Variants in WDR72 observed in about 807,000 individuals in gnomAD.
The protein encoded by WDR72 is WD repeat-containing protein 72.
A neutral mutation model predicts 124.2 loss-of-function variants in WDR72; 120 were observed. That is an observed-to-expected ratio of 0.97 (90% confidence interval 0.83 to 1.12). The LOEUF (loss-of-function observed/expected upper bound fraction) is 1.12, where lower values mean the gene tolerates loss of function less well. WDR72 is among the 50% of genes most tolerant of loss of function. WDR72 has a pLI of 0.00. For missense variants in WDR72, 1,387 were observed against 1,278.8 expected (o/e 1.08, Z -1.29); for synonymous variants, 452 against 441.7 (o/e 1.02, Z -0.29).
At chr15:53,545,305 C>T (rs1046695260) in intron 18 of WDR72, among the ~76,000 whole-genome samples, 6 of 151,194 alleles carry the variant, frequency 4.0e-5, no homozygotes, top group Non-Finnish European at 8.9e-5. Context: ...GTACTGGTAC[C>T]GAAACAGAGA....
In WDR72 at chr15:53,516,539, A is replaced by G. The variant is rs1020708954; in HGVS notation, c.*1160T>C. 6.6e-6 allele frequency: 1 copy of G among 151,800 alleles called. No individual in the cohort carries two copies. Among genetic ancestry groups the G allele is most frequent in the Non-Finnish European group, 1.5e-5 (1 of 67,896 alleles). The allele number at this position is 151,800 out of a possible 1,614,324, so 9.4% of individuals were successfully genotyped here. ...TGCTTTATATCCCTTTTTCAATTAT[A>G]TAGTTCTCTTTTCTAATTTCCCCCT... On this transcript the variant is annotated 3_prime_UTR_variant, in exon 20 of 20. Transcript: ENST00000360509.
chr15:53,592,042 ACACCACAGTCAGTCATTAT>A (rs2012533937), intron 18 of WDR72, among the ~76,000 whole-genome samples: 2 of 152,012 alleles, frequency 1.3e-5, no homozygotes, highest in African/African-American at 4.8e-5. Flanking sequence ...CCAAGTCATG[ACACCACAGTCAGTCATTAT>A]CACTGTGCTT....
At chr15:53,574,053 G>T (rs1894665584) in intron 18 of WDR72, among the ~76,000 whole-genome samples, 1 of 152,068 alleles carries the variant, frequency 6.6e-6, no homozygotes, top group African/African-American at 2.4e-5. Flanking sequence ...TAAAAGATTT[G>T]TCCATTTCTG....
At chr15:53,638,308 T>A (rs2014701906) in intron 14 of WDR72, among the ~76,000 whole-genome samples, 1 of 152,204 alleles carries the variant, frequency 6.6e-6, no homozygotes. Context: ...GATATTCCAG[T>A]GCCTTAGCAA....
chr15:53,746,106 A>T (rs1434278381), intron 1 of WDR72, among the ~76,000 whole-genome samples: 1 of 152,200 alleles, frequency 6.6e-6, no homozygotes, highest in African/African-American at 2.4e-5. Context: ...ACACTTCCTG[A>T]TCCTCTCTCC....
rs146936081 is a variant in WDR72, at chr15:53,557,950, G to A, written c.3149-34628C>T. On this transcript the variant is annotated intron_variant, in intron 18 of 19. Transcript: ENST00000360509. ...CAATGTATTTGGCATGTCCGTAGAA[G>A]TGTACATTGGTATGGTTATTGTAGT... Among the ~76,000 whole-genome samples the A allele has an allele frequency of 9.9e-4, 151 of 152,108 alleles. 2 individuals carry two copies. Among genetic ancestry groups the A allele is most frequent in the African/African-American group, 3.5e-3 (145 of 41,508 alleles).
intron 18 of WDR72, among the ~76,000 whole-genome samples, chr15:53,554,401 T>C (rs1349711077): frequency 6.6e-6 from 1 of 152,140 alleles, no homozygotes; most frequent in Non-Finnish European, 1.5e-5. Context: ...TCCCATTATC[T>C]TCCCAAAATA....
chr15:53,657,108 C>CA (rs886515682), intron 14 of WDR72, among the ~76,000 whole-genome samples: 3 of 151,190 alleles, frequency 2.0e-5, no homozygotes, highest in Admixed American at 6.6e-5. Context: ...ACTAAAAATA[C>CA]AAAAAATTAG....
chr15:53,697,293 T>A (rs1247368924), intron 13 of WDR72, among the ~76,000 whole-genome samples: 3 of 152,216 alleles, frequency 2.0e-5, no homozygotes. Flanking sequence ...TCCTTCCTTT[T>A]TTGTGCACAG....
chr15:53,713,299 T>C (rs759771671), intron 6 of WDR72, among the ~76,000 whole-genome samples: 1 of 151,020 alleles, frequency 6.6e-6, no homozygotes, highest in Non-Finnish European at 1.5e-5. Context: ...ATGCTGAGAA[T>C]GTCAAGATGA....
chr15:53,664,752 T>G (rs979371669), intron 14 of WDR72, among the ~76,000 whole-genome samples: 1 of 151,908 alleles, frequency 6.6e-6, no homozygotes. Context: ...AAGTGAAACA[T>G]AAAAACCAAG....
chr15:53,613,930 T>C (rs2013653179), intron 15 of WDR72, among the ~76,000 whole-genome samples, 173 bp from the exon 16 acceptor site: 1 of 148,406 alleles, frequency 6.7e-6, no homozygotes, highest in Non-Finnish European at 1.5e-5. Flanking sequence ...TTCCTCACTT[T>C]GCTCCCACCT....
chr15:53,742,680 T>C (rs1336521888), intron 1 of WDR72, among the ~76,000 whole-genome samples: 2 of 152,064 alleles, frequency 1.3e-5, no homozygotes, highest in African/African-American at 4.8e-5. Context: ...TAGCCACAGA[T>C]AGGGATAAAG....
At chr15:53,523,066 A>G (rs1249675517) in intron 19 of WDR72, 152 bp downstream of exon 19, 1 of 759,268 alleles carries the variant, frequency 1.3e-6, no homozygotes, top group Non-Finnish European at 2.3e-6. Flanking sequence ...ACAGCTCCAC[A>G]CTGTGACCCC....
chr15:53,730,068 C>A (rs2018157505), intron 2 of WDR72, among the ~76,000 whole-genome samples: 1 of 152,146 alleles, frequency 6.6e-6, no homozygotes, highest in Non-Finnish European at 1.5e-5. Context: ...TGTGTGCACC[C>A]ATGTGTATAG....
At chr15:53,603,831 G>A (rs1399532364) in intron 17 of WDR72, among the ~76,000 whole-genome samples, 2 of 152,066 alleles carry the variant, frequency 1.3e-5, no homozygotes, top group East Asian at 3.9e-4. Flanking sequence ...ATAAATCAGA[G>A]ATGACATAAA....
At chr15:53,544,640 T>G (rs1365776327) in intron 18 of WDR72, among the ~76,000 whole-genome samples, 1 of 146,702 alleles carries the variant, frequency 6.8e-6, no homozygotes, top group Non-Finnish European at 1.5e-5. Context: ...CTATTCAACA[T>G]AGTGTTGGAA....
chr15:53,679,345 T>C (rs1227047962), intron 13 of WDR72, among the ~76,000 whole-genome samples: 1 of 152,218 alleles, frequency 6.6e-6, no homozygotes, highest in Non-Finnish European at 1.5e-5. Context: ...CATCTTTGTT[T>C]ATATTTTACC....
chr15:53,576,951 C>T (rs983456275), intron 18 of WDR72, among the ~76,000 whole-genome samples: 10 of 152,106 alleles, frequency 6.6e-5, no homozygotes, highest in African/African-American at 2.4e-4. Flanking sequence ...AAAGCATTGT[C>T]TAAGTCAAAC....
Sources: gnomAD v4.1 joint callset for allele counts (sites outside exome capture counted in the v4.1 genomes callset) on GRCh38, gnomAD v4.1.1 for gene constraint, MANE v1.5 for transcripts, NCBI Gene and HGNC (gene_info 2026-07-23, HGNC 2026-07-21) for gene names.